The following LUZP1 variants were observed in gnomAD, a reference collection of about 807,000 sequenced individuals.
The protein encoded by LUZP1 is leucine zipper protein 1.
A neutral mutation model predicts 71.3 loss-of-function variants in LUZP1; 25 were observed. That is an observed-to-expected ratio of 0.35 (90% confidence interval 0.26 to 0.49). The LOEUF (loss-of-function observed/expected upper bound fraction) is 0.49. Among genes scored for constraint, LUZP1 ranks in the 20% least tolerant of loss-of-function variants. The pLI, the probability that LUZP1 is intolerant of heterozygous loss-of-function variation, is 0.99. For missense variants in LUZP1, 1,142 were observed against 1,300.8 expected, an observed-to-expected ratio of 0.88 and a Z score of 1.88; for synonymous variants, 481 against 506.4, an observed-to-expected ratio of 0.95 and a Z score of 0.67.
intron 2 of LUZP1, among the ~76,000 whole-genome samples, chr1:23,157,870 G>A (rs886804613): frequency 4.6e-5 from 7 of 150,690 alleles, no homozygotes; most frequent in African/African-American, 1.2e-4. Flanking sequence ...TAATTAGCCA[G>A]GCATGGTGGC....
At chr1:23,170,815 T>A (rs1644547977) in intron 1 of LUZP1, among the ~76,000 whole-genome samples, 1 of 152,096 alleles carries the variant, frequency 6.6e-6, no homozygotes, top group Admixed American at 6.6e-5. Context: ...GCGCGGTTGC[T>A]CATGCCTGCA....
chr1:23,161,872 C>T (rs140633167), intron 2 of LUZP1, among the ~76,000 whole-genome samples: 330 of 151,752 alleles, frequency 2.2e-3, no homozygotes, highest in Admixed American at 3.4e-3. Context: ...ACTAAAAACA[C>T]GAAAATTAGC....
At chr1:23,119,889 A>G (rs1644116685) in intron 2 of LUZP1, among the ~76,000 whole-genome samples, 1 of 152,120 alleles carries the variant, frequency 6.6e-6, no homozygotes, top group Admixed American at 6.6e-5. Context: ...ACATTAAATA[A>G]AAGTATTTTT....
intron 3 of LUZP1, among the ~76,000 whole-genome samples, chr1:23,102,495 T>G (rs922740811): frequency 6.6e-6 from 1 of 152,216 alleles, no homozygotes; most frequent in South Asian, 2.1e-4. Flanking sequence ...AGTTTGATAG[T>G]ATACACATAA....
chr1:23,158,852 A>G (rs1219556761), intron 2 of LUZP1, among the ~76,000 whole-genome samples: 1 of 150,236 alleles, frequency 6.7e-6, no homozygotes, highest in East Asian at 2.0e-4. Flanking sequence ...CTGTAATCCC[A>G]GCTATTCAGG....
intron 2 of LUZP1, among the ~76,000 whole-genome samples, chr1:23,151,591 A>C (rs1053081751): frequency 6.6e-6 from 1 of 152,154 alleles, no homozygotes; most frequent in Non-Finnish European, 1.5e-5. Context: ...ATATTTCTTA[A>C]ACCTCTATGA....
chr1:23,097,997 G>A (rs1643901955), intron 3 of LUZP1, among the ~76,000 whole-genome samples: 1 of 152,186 alleles, frequency 6.6e-6, no homozygotes. Flanking sequence ...AGTCTCATTT[G>A]GGACATGTGT....
At chr1:23,173,734 C>T (rs940830965) in intron 1 of LUZP1, among the ~76,000 whole-genome samples, 2 of 152,056 alleles carry the variant, frequency 1.3e-5, no homozygotes, top group African/African-American at 4.8e-5. Flanking sequence ...AGGGTAAAAA[C>T]ACAGCTACAA....
intron 2 of LUZP1, among the ~76,000 whole-genome samples, chr1:23,131,877 G>C (rs746076797): frequency 1.3e-5 from 2 of 152,144 alleles, no homozygotes; most frequent in Non-Finnish European, 2.9e-5. Flanking sequence ...GTAGAGACGA[G>C]GTTTCGCCAT....
intron 3 of LUZP1, among the ~76,000 whole-genome samples, chr1:23,100,454 C>A (rs748040566): frequency 2.0e-5 from 3 of 152,194 alleles, no homozygotes; most frequent in Non-Finnish European, 4.4e-5. Context: ...TCCCCCTGAC[C>A]TGCTGGGAAG....
intron 2 of LUZP1, among the ~76,000 whole-genome samples, chr1:23,117,959 G>A (rs1307572841): frequency 6.6e-6 from 1 of 151,948 alleles, no homozygotes; most frequent in African/African-American, 2.4e-5. Flanking sequence ...GCGTGGTGGC[G>A]TACGCCTGTA....
intron 3 of LUZP1, among the ~76,000 whole-genome samples, chr1:23,100,031 C>T (rs1643918782): frequency 6.6e-6 from 1 of 152,190 alleles, no homozygotes; most frequent in Non-Finnish European, 1.5e-5. Context: ...CTTCTTCAAA[C>T]CCCAGGCCAG....
chr1:23,176,427 A>G (rs1200541949), intron 1 of LUZP1, among the ~76,000 whole-genome samples: 1 of 152,190 alleles, frequency 6.6e-6, no homozygotes, highest in Non-Finnish European at 1.5e-5. Flanking sequence ...AATGCTCTAA[A>G]GCAATATTTT....
chr1:23,087,425 A>T (rs565878591), exon 5 of LUZP1: 1 of 152,456 alleles, frequency 6.6e-6, no homozygotes, highest in African/African-American at 2.4e-5. Context: ...CTTAGAGATC[A>T]TCCATTTCAA....
At chr1:23,117,509 G>GA (rs1245396840) in intron 2 of LUZP1, among the ~76,000 whole-genome samples, 3 of 60,224 alleles carry the variant, frequency 5.0e-5, no homozygotes, top group African/African-American at 2.7e-4. Flanking sequence ...GGAAGCCCTG[G>GA]GGGGGGGGGC....
chr1:23,140,965 C>T (rs959004766), intron 2 of LUZP1: 1 of 152,360 alleles, frequency 6.6e-6, no homozygotes, highest in Non-Finnish European at 1.5e-5. Flanking sequence ...CAGGCTGGCT[C>T]CTTAGCCACA....
chr1:23,097,669 T>TA (rs34496369), intron 3 of LUZP1, among the ~76,000 whole-genome samples: 2 of 151,904 alleles, frequency 1.3e-5, no homozygotes, highest in Non-Finnish European at 2.9e-5. Flanking sequence ...CCCGTCTCTA[T>TA]AAAAAAAGGT....
At chr1:23,092,994 G>A (rs1643871780) in exon 4 of LUZP1, 1 of 1,614,184 alleles carries the variant, frequency 6.2e-7, no homozygotes, top group African/African-American at 1.3e-5. Context: ...GAAACTGGGA[G>A]AAGAAACCTG....
chr1:23,145,565 G>A (rs1326564223), intron 2 of LUZP1, among the ~76,000 whole-genome samples: 3 of 151,260 alleles, frequency 2.0e-5, no homozygotes, highest in African/African-American at 4.9e-5. Flanking sequence ...CGCCTCCTGA[G>A]TTCAAGTGTT....
Sources: gnomAD v4.1 joint callset for allele counts (sites outside exome capture counted in the v4.1 genomes callset) on GRCh38, gnomAD v4.1.1 for gene constraint, MANE v1.5 for transcripts, NCBI Gene and HGNC (gene_info 2026-07-23, HGNC 2026-07-21) for gene names.